SBK1: variants seen among roughly 807,000 people sequenced by gnomAD.
SBK1 encodes SH3 domain binding kinase 1.
Under a neutral mutation model 24.4 loss-of-function variants are expected in SBK1, and 11 were observed. The observed-to-expected ratio is 0.45, with a 90% CI of 0.28 to 0.75. The LOEUF (loss-of-function observed/expected upper bound fraction) is 0.75. Among genes scored for constraint, SBK1 ranks in the 30% least tolerant of loss-of-function variants. SBK1 has a pLI of 0.12. For synonymous variants in SBK1, 308 were observed against 284.4 expected (o/e 1.08, Z -0.83); for missense variants, 467 against 620.5 (o/e 0.75, Z 2.63).
chr16:28,313,135 AC>A (rs1393510191), intron 1 of SBK1, among the ~76,000 whole-genome samples: 11 of 151,974 alleles, frequency 7.2e-5, no homozygotes, highest in African/African-American at 2.7e-4. Flanking sequence ...TAAATAAAAT[AC>A]GAAAAAAAAT....
chr16:28,297,172 A>C (rs570211674), intron 1 of SBK1, among the ~76,000 whole-genome samples: 1 of 151,824 alleles, frequency 6.6e-6, no homozygotes, highest in South Asian at 2.1e-4. Flanking sequence ...TCTACTAAAA[A>C]TACAAAAAAT....
At chr16:28,287,037 G>C (rs1425259085) in intron 1 of SBK1, 1 of 152,120 alleles carries the variant, frequency 6.6e-6, no homozygotes, top group East Asian at 1.9e-4. Context: ...GGAGGTTGCA[G>C]TGAGCCGAGA....
At chr16:28,313,471 C>T (rs2044768642) in intron 1 of SBK1, among the ~76,000 whole-genome samples, 1 of 150,634 alleles carries the variant, frequency 6.6e-6, no homozygotes, top group Non-Finnish European at 1.5e-5. Context: ...GTGGCGTACA[C>T]CTTGTGGTCC....
intron 1 of SBK1, among the ~76,000 whole-genome samples, chr16:28,296,478 T>C (rs1016294203): frequency 1.3e-5 from 2 of 152,130 alleles, no homozygotes; most frequent in Admixed American, 1.3e-4. Context: ...CCTCAGGTGA[T>C]CCACCTGCCT....
At position 28,276,429 on chromosome 16, in the gene SBK1, G is replaced by A. The variant is rs1272098027; in HGVS notation, c.257+16927G>A. On this transcript the variant is annotated intron_variant, in intron 1 of 3. Coordinates refer to the SBK1 transcript ENST00000671413. ...CAAGACCCGCGCCCCTGAATGAGAC[G>A]GGGCACTGGCAGCTGCGGGGTGACC... 3.3e-5 allele frequency among the ~76,000 whole-genome samples: 5 copies of A among 152,172 alleles called. No individual in the cohort carries two copies. In the East Asian group the frequency reaches 5.8e-4, roughly 18 times the overall value.
At chr16:28,276,272 C>A (rs1034808924) in intron 1 of SBK1, among the ~76,000 whole-genome samples, 6 of 152,102 alleles carry the variant, frequency 3.9e-5, no homozygotes, top group Non-Finnish European at 7.4e-5. Flanking sequence ...TGCGGAATCT[C>A]GGGCCTCACC....
intron 1 of SBK1, among the ~76,000 whole-genome samples, chr16:28,262,533 C>T (rs963229725): frequency 4.6e-5 from 7 of 152,270 alleles, no homozygotes; most frequent in Admixed American, 6.5e-5. Flanking sequence ...GAGGCCACTG[C>T]GATGAATGTG....
At chr16:28,318,931 G>C in intron 2 of SBK1, 64 bp from the exon 3 acceptor site, 1 of 1,200,870 alleles carries the variant, frequency 8.3e-7, no homozygotes, top group Non-Finnish European at 1.2e-6. Flanking sequence ...GACAGGCATG[G>C]GTGCATCCAG....
chr16:28,293,096 C>A lies in SBK1; in HGVS notation c.-212C>A, dbSNP rs1270864858. On this transcript the variant is annotated 5_prime_UTR_variant, in exon 1 of 4. Coordinates refer to ENST00000341901, the MANE Select transcript of SBK1 (RefSeq NM_001024401.3). ...CATAGAAATCCCAAATCTAGGCAGC[C>A]GGGGACAGCAAGAGACACTCTCACC... is the stretch of plus-strand genomic sequence containing the variant. The A allele has an allele frequency of 1.0e-6, 1 of 985,776 alleles. No individual in the cohort carries two copies. The highest frequency in any genetic ancestry group is 1.2e-6 in the Non-Finnish European group (1 of 830,142). The allele number at this position is 985,776 out of a possible 1,614,324, so 61.1% of individuals were successfully genotyped here. A position where few individuals can be genotyped will look rare whatever the true frequency, so the allele number is the denominator to read the frequency against.
chr16:28,271,564 C>A (rs1883066976), intron 1 of SBK1, among the ~76,000 whole-genome samples: 1 of 151,734 alleles, frequency 6.6e-6, no homozygotes, highest in African/African-American at 2.4e-5. Flanking sequence ...CCCCCCACCC[C>A]CAAAAAAGAG....
intron 1 of SBK1, among the ~76,000 whole-genome samples, chr16:28,281,521 G>A (rs2044533270): frequency 6.6e-6 from 1 of 152,164 alleles, no homozygotes; most frequent in African/African-American, 2.4e-5. Context: ...GGGATAAAAT[G>A]GAATCGGGTG....
At chr16:28,276,870 TAGCC>T (rs2044496497) in intron 1 of SBK1, among the ~76,000 whole-genome samples, 1 of 152,034 alleles carries the variant, frequency 6.6e-6, no homozygotes, top group Admixed American at 6.6e-5. Flanking sequence ...TTCACCGTGT[TAGCC>T]AGGATGGTCT....
Position 28,317,513 on chromosome 16 carries a change from T to G in SBK1, c.122T>G (p.Leu41Arg). The change falls in exon 2 of 4, where the codon CTC becomes CGC. Residue 41 changes from leucine (L) to arginine (R), a missense_variant. Around this residue, in one of 4 missense-constraint regions of SBK1, gnomAD observed 123 missense variants for 158.2 expected, o/e 0.78. Coordinates refer to ENST00000341901, the MANE Select transcript of SBK1 (RefSeq NM_001024401.3). This position sits in a 1 kb window ranked among gnomAD's most constrained non-coding sequence, Gnocchi z 4.2. ...ACTGAAGACATGCAGGCCCTGACTC[T>G]CCGCACACTGGCCGCCAGCGACGTC... is the stretch of plus-strand genomic sequence containing the variant. ...LLTEDMQALT[L>R]RTLAASDVTK... The G allele has an allele frequency of 6.2e-7, 1 of 1,614,136 alleles. No homozygotes were observed. The highest frequency in any genetic ancestry group is 8.5e-7 in the Non-Finnish European group (1 of 1,180,030).
Position 28,293,237 on chromosome 16 carries a change from G to A in SBK1, c.-71G>A, listed in dbSNP as rs995803992. ...GTGGCGCCCTGAGCCCCCGGGGCCG[G>A]GCAGACGAAGACCGCGACGGCGCCC... On this transcript the variant is annotated 5_prime_UTR_variant, in exon 1 of 4. Coordinates refer to ENST00000341901, the MANE Select transcript of SBK1 (RefSeq NM_001024401.3). The A allele has an allele frequency of 7.1e-6, 7 of 985,440 alleles. No homozygotes were observed. Among genetic ancestry groups the A allele is most frequent in the Non-Finnish European group, 8.4e-6 (7 of 829,958 alleles). 61.0% of individuals were successfully genotyped at this position (985,440 alleles called of 1,614,324 possible). A position where few individuals can be genotyped will look rare whatever the true frequency, so the allele number is the denominator to read the frequency against.
At chr16:28,276,830 A>T (rs887599011) in intron 1 of SBK1, among the ~76,000 whole-genome samples, 1 of 151,780 alleles carries the variant, frequency 6.6e-6, no homozygotes, top group Non-Finnish European at 1.5e-5. Flanking sequence ...ACGCCCGGCT[A>T]ATTTTTTGTA....
At chr16:28,312,571 C>T (rs536862838) in intron 1 of SBK1, among the ~76,000 whole-genome samples, 193 of 152,258 alleles carry the variant, frequency 1.3e-3, no homozygotes, top group African/African-American at 4.2e-3. Context: ...CATGTGGGAC[C>T]GGGTTCTCTG....
chr16:28,265,893 G>C (rs2044425046), intron 1 of SBK1, among the ~76,000 whole-genome samples: 1 of 151,572 alleles, frequency 6.6e-6, no homozygotes, highest in Non-Finnish European at 1.5e-5. Flanking sequence ...AGAATAGCTT[G>C]AACCTGGGAA....
At chr16:28,309,807 C>A (rs1219566002) in intron 1 of SBK1, among the ~76,000 whole-genome samples, 2 of 152,122 alleles carry the variant, frequency 1.3e-5, no homozygotes, top group Non-Finnish European at 2.9e-5. Flanking sequence ...GAAATTTTTC[C>A]AAGTTGGCCA....
At chr16:28,304,248 G>A (rs779518986) in intron 1 of SBK1, among the ~76,000 whole-genome samples, 53 of 152,224 alleles carry the variant, frequency 3.5e-4, no homozygotes, top group Non-Finnish European at 6.2e-4. Context: ...CCAGTTCTGC[G>A]GCATTTCCTC....
Sources: allele counts gnomAD v4.1 joint callset (sites outside exome capture counted in the v4.1 genomes callset), GRCh38; gene constraint gnomAD v4.1.1; regional missense constraint gnomAD v4.1.1; non-coding constraint Gnocchi (gnomAD v3.1); transcripts MANE v1.5; gene names NCBI Gene and HGNC (gene_info 2026-07-23, HGNC 2026-07-21).